The following DNAH14 variants were observed in gnomAD, a reference collection of about 807,000 sequenced individuals.
DNAH14 encodes axonemal beta dynein heavy chain 14.
A neutral mutation model predicts 520.9 loss-of-function variants in DNAH14; 478 were observed. The ratio of observed to expected loss-of-function variants is 0.92; its 90% CI spans 0.85 to 0.99. The LOEUF is 0.99. Ranked by LOEUF, DNAH14 falls within the 50% of genes least tolerant of loss-of-function variation. The pLI is 0.00. For missense variants in DNAH14, 4,831 were observed against 5,234.5 expected (o/e 0.92, Z 2.38); for synonymous variants, 1,581 against 1,757.2 (o/e 0.90, Z 2.51).
At chr1:225,011,621 G>T (rs2064752634) in intron 10 of DNAH14, among the ~76,000 whole-genome samples, 1 of 151,938 alleles carries the variant, frequency 6.6e-6, no homozygotes, top group Admixed American at 6.6e-5. Context: ...TCCTGTGTTG[G>T]GTGCATATAT....
At chr1:225,261,626 C>T (rs1480111) in intron 46 of DNAH14, among the ~76,000 whole-genome samples, 16,852 of 152,012 alleles carry the variant, frequency 0.11, 1,432 homozygotes, top group East Asian at 0.24. Flanking sequence ...TCTTTTCTGG[C>T]TTTGGTATTA....
At chr1:224,957,752 A>T (rs2060603025) in intron 3 of DNAH14, among the ~76,000 whole-genome samples, 1 of 152,100 alleles carries the variant, frequency 6.6e-6, no homozygotes, top group East Asian at 1.9e-4. Context: ...AGAATATGGG[A>T]CGTGAGTGCT....
intron 52 of DNAH14, among the ~76,000 whole-genome samples, chr1:225,275,001 T>C (rs2093431430): frequency 6.6e-6 from 1 of 152,234 alleles, no homozygotes; most frequent in South Asian, 2.1e-4. Context: ...CACCCTATGA[T>C]ATAGGTCCTG....
chr1:225,147,178 T>A lies in DNAH14; in HGVS notation c.4869T>A (p.Asp1623Glu). The change falls in exon 31 of 86, where the codon GAT becomes GAA. Residue 1623 changes from aspartate to glutamate, a missense_variant. Coordinates refer to ENST00000682510, the MANE Select transcript of DNAH14 (RefSeq NM_001367479.1). ...GTTTTGATGAATTCAATCTAATTGA[T>A]TTGGAAGTTCTCTCTGTCATTGCCT... The part of the protein sequence containing the change: ...WSCFDEFNLI[D>E]LEVLSVIASQ... 6.4e-7 allele frequency: 1 copy of A among 1,551,068 alleles called. No homozygotes were observed.
At chr1:225,008,366 A>C (rs757154279) in intron 10 of DNAH14, among the ~76,000 whole-genome samples, 1 of 152,124 alleles carries the variant, frequency 6.6e-6, no homozygotes, top group Non-Finnish European at 1.5e-5. Context: ...GCTATTGTGA[A>C]TAGTGCTGCA....
chr1:225,067,185 T>C (rs2070992716), intron 17 of DNAH14, among the ~76,000 whole-genome samples: 1 of 152,202 alleles, frequency 6.6e-6, no homozygotes, highest in Admixed American at 6.5e-5. Flanking sequence ...CTCTCATCAT[T>C]TAGCTCCTGC....
chr1:225,390,160 G>A (rs771987921), intron 83 of DNAH14, among the ~76,000 whole-genome samples: 6 of 152,120 alleles, frequency 3.9e-5, no homozygotes, highest in Non-Finnish European at 8.8e-5. Context: ...TGATGTCAAA[G>A]GTCAACATTA....
chr1:224,983,896 CACAA>C (rs1215131294), intron 8 of DNAH14, among the ~76,000 whole-genome samples: 3 of 152,104 alleles, frequency 2.0e-5, no homozygotes, highest in Non-Finnish European at 2.9e-5. Context: ...TCACAGATGA[CACAA>C]ACAAATGGAA....
intron 34 of DNAH14, among the ~76,000 whole-genome samples, chr1:225,154,901 A>G (rs1232760282): frequency 2.0e-5 from 3 of 152,236 alleles, no homozygotes; most frequent in Admixed American, 6.5e-5. Context: ...CATATTACAC[A>G]TAGCTTATCC....
chr1:224,994,257 A>G (rs1411520398), intron 8 of DNAH14, among the ~76,000 whole-genome samples: 1 of 151,956 alleles, frequency 6.6e-6, no homozygotes, highest in Admixed American at 6.6e-5. Context: ...TGATCTGTCC[A>G]TTGTTGAAAA....
intron 79 of DNAH14, 104 bp downstream of exon 79, chr1:225,377,540 G>A: frequency 8.5e-7 from 1 of 1,174,516 alleles, no homozygotes; most frequent in Non-Finnish European, 1.2e-6. Flanking sequence ...TGGACAGATT[G>A]CTTGAGCTCA....
At chr1:225,160,411 A>G (rs1009017973) in intron 35 of DNAH14, among the ~76,000 whole-genome samples, 6 of 152,316 alleles carry the variant, frequency 3.9e-5, no homozygotes, top group Middle Eastern at 3.4e-3. Context: ...ATACACAACA[A>G]GCACAGAATT....
chr1:224,974,388 C>CTTT (rs2061677146), intron 8 of DNAH14, among the ~76,000 whole-genome samples: 1 of 152,124 alleles, frequency 6.6e-6, no homozygotes, highest in Non-Finnish European at 1.5e-5. Flanking sequence ...CCCTTGGTCA[C>CTTT]TTTATCTAAC....
At chr1:225,036,192 A>G (rs1041542234) in intron 11 of DNAH14, among the ~76,000 whole-genome samples, 1 of 151,946 alleles carries the variant, frequency 6.6e-6, no homozygotes, top group Non-Finnish European at 1.5e-5. Context: ...ATGGAGTGCA[A>G]TGGCGAGATC....
At chr1:225,097,519 ATC>A (rs907617674) in intron 22 of DNAH14, among the ~76,000 whole-genome samples, 2 of 152,168 alleles carry the variant, frequency 1.3e-5, no homozygotes, top group Non-Finnish European at 1.5e-5. Context: ...CACGCCTGTA[ATC>A]TCAGCATTTT....
intron 72 of DNAH14, 26 bp downstream of exon 72, chr1:225,351,909 CTAACT>C (rs953414263): frequency 1.2e-5 from 19 of 1,526,660 alleles, no homozygotes; most frequent in South Asian, 4.8e-5. Context: ...GTGTTTTAAC[CTAACT>C]TAAGTATGTG....
At chr1:225,134,111 T>A (rs765980374) in intron 27 of DNAH14, among the ~76,000 whole-genome samples, 9 of 152,192 alleles carry the variant, frequency 5.9e-5, no homozygotes, top group African/African-American at 9.7e-5. Context: ...CTTATCAGCT[T>A]AAGAAGCTTT....
chr1:225,165,125 A>C (rs1156943307), intron 35 of DNAH14, among the ~76,000 whole-genome samples: 1 of 152,046 alleles, frequency 6.6e-6, no homozygotes, highest in Non-Finnish European at 1.5e-5. Flanking sequence ...TAAAATTCTA[A>C]CTTTAAAGTT....
chr1:225,367,977 A>G lies in DNAH14; in HGVS notation c.12263A>G (p.Asn4088Ser), dbSNP rs74149905. The G allele has an allele frequency of 2.5e-3, 3,815 of 1,551,234 alleles. 79 individuals carry two copies. The African/African-American group carries it at 0.045, about 18-fold the overall frequency. The change falls in exon 77 of 86, where the codon AAT becomes AGT. Residue 4088 changes from asparagine (N) to serine (S), a missense_variant. Asn to Ser is a conservative substitution (Grantham distance 46). Transcript: ENST00000682510. ...FFNAVINERKNYGILGWNIAY... is the reference protein window; with the variant it reads ...FFNAVINERKSYGILGWNIAY... ...AATGCTGTAATCAATGAAAGAAAAA[A>G]TTACGGAATATTGGGCTGGAATATT... is the stretch of plus-strand genomic sequence containing the variant.
Sources: allele counts gnomAD v4.1 joint callset (sites outside exome capture counted in the v4.1 genomes callset), GRCh38; gene constraint gnomAD v4.1.1; transcripts MANE v1.5; gene names NCBI Gene and HGNC (gene_info 2026-07-23, HGNC 2026-07-21).